The following LINGO2 variants were observed in gnomAD, a reference collection of about 807,000 sequenced individuals.
LINGO2 encodes leucine rich repeat and Ig domain containing 2.
LINGO2 carries 14 observed loss-of-function variants against 30.6 expected under a neutral mutation model. The observed-to-expected ratio is 0.46, with a 90% CI of 0.30 to 0.72. The LOEUF (loss-of-function observed/expected upper bound fraction) is 0.72, where lower values mean the gene tolerates loss of function less well. LINGO2 is among the 30% of genes least tolerant of loss of function. LINGO2 has a pLI of 0.07. For synonymous variants in LINGO2, 317 were observed against 288.5 expected (o/e 1.10, Z -1.00); for missense variants, 729 against 751.7 (o/e 0.97, Z 0.35).
At chr9:28,445,692 G>C (rs1434531806) in intron 2 of LINGO2, among the ~76,000 whole-genome samples, 2 of 152,158 alleles carry the variant, frequency 1.3e-5, no homozygotes, top group African/African-American at 4.8e-5. Flanking sequence ...GAAACTTGAA[G>C]TAATACATTT....
rs149180328 is a variant in LINGO2, at chr9:28,498,427, G to A, written c.-364-22402C>T. On this transcript the variant is annotated intron_variant, in intron 1 of 5. Coordinates refer to ENST00000379992, the Ensembl canonical transcript of LINGO2. ...TCAGACTGCTGTGCTAGCAATGAGC[G>A]AGCTTCTGTGGGCATGGGTCCCTCT... Among the ~76,000 whole-genome samples the A allele has an allele frequency of 6.2e-4, 95 of 152,294 alleles. No individual in the cohort carries two copies. The South Asian group carries it at 8.3e-3, about 13-fold the overall frequency.
At chr9:28,347,443 C>G (rs1056282342) in intron 3 of LINGO2, among the ~76,000 whole-genome samples, 6 of 152,046 alleles carry the variant, frequency 3.9e-5, no homozygotes, top group Admixed American at 3.3e-4. Flanking sequence ...TACACACACA[C>G]ACACACAAAA....
chr9:29,164,317 T>G, the LINGO2 span, among the ~76,000 whole-genome samples: 20 of 152,268 alleles, frequency 1.3e-4, no homozygotes, highest in African/African-American at 2.9e-4. Context: ...TCTAAGCTAC[T>G]AAGTGGGGAT....
the LINGO2 span, among the ~76,000 whole-genome samples, chr9:28,969,156 T>C: frequency 6.6e-6 from 1 of 152,246 alleles, no homozygotes; most frequent in East Asian, 1.9e-4. Context: ...AAATTATTTA[T>C]ACATTAGAAG....
intron 4 of LINGO2, among the ~76,000 whole-genome samples, chr9:28,144,154 A>C (rs189171880): frequency 5.6e-4 from 86 of 152,328 alleles, no homozygotes; most frequent in African/African-American, 1.9e-3. Flanking sequence ...ATTGATCTTT[A>C]AAGTCCTTTA....
intron 1 of LINGO2, among the ~76,000 whole-genome samples, chr9:28,605,684 A>G (rs867915192): frequency 2.0e-5 from 3 of 152,060 alleles, no homozygotes; most frequent in South Asian, 2.1e-4. Context: ...TTCTCATTAC[A>G]CAGAATGGAG....
chr9:28,000,168 T>C (rs914753697), intron 5 of LINGO2, among the ~76,000 whole-genome samples: 31 of 152,020 alleles, frequency 2.0e-4, no homozygotes, highest in Admixed American at 2.6e-4. Flanking sequence ...CTATGGAGGG[T>C]ATTGTATTAA....
rs58629857 is a variant in LINGO2 at position 28,526,055 on chromosome 9, C to CAAAAAAAAAAAAAAAAAAAA, written c.-364-50050_-364-50031dup. Among the ~76,000 whole-genome samples, 16 of 48,510 alleles carry CAAAAAAAAAAAAAAAAAAAA rather than the reference C, an allele frequency of 3.3e-4. 2 individuals carry two copies. The highest frequency in any genetic ancestry group is 5.7e-4 in the African/African-American group (7 of 12,242). The allele number at this position is 48,510 out of a possible 152,430, so 31.8% of individuals were successfully genotyped here. On this transcript the variant is annotated intron_variant, in intron 1 of 5. Coordinates refer to ENST00000379992, the Ensembl canonical transcript of LINGO2. ...TGGGTGACAGAGCGAGACTCCGTCT[C>CAAAAAAAAAAAAAAAAAAAA]AAAAAAAAAAAAAAAAAAAAAGCCA... is the stretch of plus-strand genomic sequence containing the variant.
At chr9:28,721,286 T>C in the LINGO2 span, among the ~76,000 whole-genome samples, 1 of 152,112 alleles carries the variant, frequency 6.6e-6, no homozygotes, top group South Asian at 2.1e-4. Flanking sequence ...AAATATCATT[T>C]GACCCAGCAA....
intron 2 of LINGO2, among the ~76,000 whole-genome samples, chr9:28,382,009 G>A (rs920347230): frequency 4.6e-5 from 7 of 151,992 alleles, no homozygotes; most frequent in Admixed American, 1.3e-4. Flanking sequence ...GATACAGATG[G>A]ACCTAGGTTG....
chr9:28,467,768 G>C lies in LINGO2; in HGVS notation c.-279+8172C>G, dbSNP rs147245024. 7.4e-4 allele frequency among the ~76,000 whole-genome samples: 113 copies of C among 152,100 alleles called. 1 individual carries two copies. Among genetic ancestry groups the C allele is most frequent in the African/African-American group, 2.5e-3 (102 of 41,524 alleles). On this transcript the variant is annotated intron_variant, in intron 2 of 5. Transcript: ENST00000379992. ...TTGGGGTCATAGATTGCAAATAAAA[G>C]TCACATGAAAAATTAATCTTTACCT...
chr9:29,068,214 A>G, the LINGO2 span, among the ~76,000 whole-genome samples: 1 of 151,806 alleles, frequency 6.6e-6, no homozygotes, highest in African/African-American at 2.4e-5. Context: ...AATAAATAAA[A>G]TTATTAACAC....
At chr9:28,126,356 C>A (rs548195899) in intron 4 of LINGO2, among the ~76,000 whole-genome samples, 4 of 152,164 alleles carry the variant, frequency 2.6e-5, no homozygotes, top group African/African-American at 9.6e-5. Flanking sequence ...AAGATAATGG[C>A]TTTAAGTGGA....
intron 1 of LINGO2, among the ~76,000 whole-genome samples, chr9:28,579,075 T>G (rs1378836159): frequency 1.3e-5 from 2 of 151,124 alleles, no homozygotes; most frequent in African/African-American, 4.9e-5. Context: ...TTTTTTTGTT[T>G]CTACAGCTAC....
At chr9:29,079,713 T>C in the LINGO2 span, among the ~76,000 whole-genome samples, 4 of 151,950 alleles carry the variant, frequency 2.6e-5, no homozygotes, top group Non-Finnish European at 4.4e-5. Context: ...CAACGAAAGA[T>C]ATGCAAAGTA....
At chr9:28,162,750 T>A (rs377471521) in intron 4 of LINGO2, among the ~76,000 whole-genome samples, 2 of 152,152 alleles carry the variant, frequency 1.3e-5, no homozygotes, top group East Asian at 1.9e-4. Context: ...GGTGGGGTGC[T>A]GAGATCCTAC....
the LINGO2 span, among the ~76,000 whole-genome samples, chr9:28,948,211 C>G: frequency 3.9e-5 from 6 of 151,934 alleles, no homozygotes; most frequent in Non-Finnish European, 8.8e-5. Context: ...AAAAGGAGGA[C>G]AGCAATCAAG....
intron 5 of LINGO2, among the ~76,000 whole-genome samples, chr9:27,990,950 T>C (rs898377997): frequency 9.2e-5 from 14 of 151,998 alleles, no homozygotes; most frequent in African/African-American, 3.4e-4. Flanking sequence ...GAGTTCAGAA[T>C]CTCTGGTGTA....
chr9:29,107,538 T>C, the LINGO2 span, among the ~76,000 whole-genome samples: 1,801 of 152,226 alleles, frequency 0.012, 18 homozygotes, highest in Admixed American at 0.019. Context: ...CCCAAAATGA[T>C]TGTCTTTTAA....
Sources: gnomAD v4.1 joint callset for allele counts (sites outside exome capture counted in the v4.1 genomes callset) on GRCh38, gnomAD v4.1.1 for gene constraint, MANE v1.5 for transcripts, NCBI Gene and HGNC (gene_info 2026-07-23, HGNC 2026-07-21) for gene names.